The following RNF24 variants were observed in gnomAD, a reference collection of about 807,000 sequenced individuals.
RNF24 encodes ring finger protein 24.
A neutral mutation model predicts 20.0 loss-of-function variants in RNF24; 14 were observed. The ratio of observed to expected loss-of-function variants is 0.70; its 90% CI spans 0.46 to 1.10. RNF24 has a LOEUF of 1.10. Ranked by LOEUF, RNF24 falls within the 50% of genes least tolerant of loss-of-function variation. The pLI is 0.00. For missense variants in RNF24, 124 were observed against 177.6 expected (o/e 0.70, Z 1.71); for synonymous variants, 45 against 61.1 (o/e 0.74, Z 1.23).
intron 1 of RNF24, among the ~76,000 whole-genome samples, chr20:3,988,254 G>C (rs1032452714): frequency 2.6e-5 from 4 of 152,014 alleles, no homozygotes; most frequent in African/African-American, 9.7e-5. Context: ...AGCCCAGGAA[G>C]TCAATGCTGC....
At chr20:3,978,814 T>C (rs1008710648) in intron 1 of RNF24, among the ~76,000 whole-genome samples, 4 of 151,956 alleles carry the variant, frequency 2.6e-5, no homozygotes, top group Admixed American at 6.6e-5. Flanking sequence ...TAACAAATAA[T>C]ATATATATTG....
chr20:4,006,268 C>A (rs1246655256), intron 1 of RNF24, among the ~76,000 whole-genome samples: 1 of 151,904 alleles, frequency 6.6e-6, no homozygotes, highest in Non-Finnish European at 1.5e-5. Flanking sequence ...ACTTGGGAGG[C>A]TGAGGCAGAA....
intron 1 of RNF24, among the ~76,000 whole-genome samples, chr20:3,979,765 T>G (rs1979226598): frequency 6.6e-6 from 1 of 152,146 alleles, no homozygotes; most frequent in Non-Finnish European, 1.5e-5. Flanking sequence ...GTTAATCACA[T>G]TGTGGGAAAA....
At chr20:3,993,729 A>G (rs1239385082) in intron 1 of RNF24, among the ~76,000 whole-genome samples, 1 of 152,254 alleles carries the variant, frequency 6.6e-6, no homozygotes, top group Non-Finnish European at 1.5e-5. Flanking sequence ...GTGGGCAGTT[A>G]GTATGCTGAT....
chr20:3,948,285 A>G lies in RNF24; in HGVS notation c.144-6T>C. 6.4e-7 allele frequency: 1 copy of G among 1,573,762 alleles called. No individual in the cohort carries two copies. Among genetic ancestry groups the G allele is most frequent in the Non-Finnish European group, 8.6e-7 (1 of 1,160,672 alleles). ...TGTGTGCTTGATGTCTTAGCCTAAA[A>G]GACAGAAATTAGTAATGCAATATTG... On this transcript the variant is annotated splice_polypyrimidine_tract_variant and splice_region_variant and intron_variant, in intron 2 of 5. Coordinates refer to ENST00000358395, the MANE Select transcript of RNF24 (RefSeq NM_001134337.3).
chr20:4,008,929 T>A (rs34640283), intron 1 of RNF24, among the ~76,000 whole-genome samples: 18,684 of 152,164 alleles, frequency 0.12, 1,446 homozygotes, highest in Non-Finnish European at 0.17. Flanking sequence ...TTCTTCATAA[T>A]TGTTTCAATT....
At chr20:3,945,919 TA>T (rs1471767016) in intron 3 of RNF24, among the ~76,000 whole-genome samples, 1 of 152,174 alleles carries the variant, frequency 6.6e-6, no homozygotes, top group Admixed American at 6.5e-5. Context: ...GGAAAATCTC[TA>T]AATTTTGGTG....
intron 4 of RNF24, among the ~76,000 whole-genome samples, chr20:3,942,081 A>G (rs2090962847): frequency 6.9e-6 from 1 of 144,920 alleles, no homozygotes; most frequent in Admixed American, 6.9e-5. Flanking sequence ...CTCAAAAAAG[A>G]AAAAAAAAAA....
chr20:3,947,646 A>T (rs536822576), intron 3 of RNF24, among the ~76,000 whole-genome samples: 5 of 152,370 alleles, frequency 3.3e-5, no homozygotes, highest in African/African-American at 1.2e-4. Context: ...GTCGACAGTA[A>T]CTTTAAGAAT....
At chr20:3,981,075 C>T (rs760640127) in intron 1 of RNF24, among the ~76,000 whole-genome samples, 3 of 151,952 alleles carry the variant, frequency 2.0e-5, no homozygotes, top group Non-Finnish European at 4.4e-5. Context: ...TCTACCACTC[C>T]TTATCACTTC....
At chr20:3,961,251 A>T (rs2091198493) in intron 2 of RNF24, among the ~76,000 whole-genome samples, 1 of 152,126 alleles carries the variant, frequency 6.6e-6, no homozygotes, top group Non-Finnish European at 1.5e-5. Context: ...AAAATAAAAA[A>T]ATTAGCTGGG....
intron 2 of RNF24, among the ~76,000 whole-genome samples, chr20:3,955,685 G>C (rs1168070067): frequency 1.3e-5 from 2 of 152,064 alleles, no homozygotes; most frequent in Non-Finnish European, 2.9e-5. Flanking sequence ...ATTTTGATAG[G>C]GATTGCACTG....
chr20:3,967,812 GGT>G (rs921189771), intron 1 of RNF24, among the ~76,000 whole-genome samples: 3 of 151,230 alleles, frequency 2.0e-5, no homozygotes, highest in African/African-American at 7.3e-5. Context: ...TGGCCAATAT[GGT>G]GAAACTCTGT....
intron 1 of RNF24, among the ~76,000 whole-genome samples, chr20:4,004,386 T>C (rs1033601129): frequency 2.0e-5 from 3 of 152,234 alleles, no homozygotes; most frequent in African/African-American, 7.2e-5. Context: ...TAAAAATTAT[T>C]ACCAAGGAAA....
At position 3,929,603 on chromosome 20, in the gene RNF24, TCAC is replaced by T. The variant is rs1400974729; in HGVS notation, c.*4457_*4459del. The T allele has an allele frequency of 6.6e-6, 1 of 152,424 alleles. No individual in the cohort carries two copies. Among genetic ancestry groups the T allele is most frequent in the Non-Finnish European group, 1.5e-5 (1 of 68,198 alleles). The allele number at this position is 152,424 out of a possible 1,614,324, so 9.4% of individuals were successfully genotyped here. A position where few individuals can be genotyped will look rare whatever the true frequency, so the allele number is the denominator to read the frequency against. The stretch of plus-strand genomic sequence containing the variant: ...TGACCACAACAGTTGCAGCCACACA[TCAC>T]CACTGGTCCTCACTTGGAACTGGCC... On this transcript the variant is annotated 3_prime_UTR_variant, in exon 6 of 6. Coordinates refer to ENST00000358395, the MANE Select transcript of RNF24 (RefSeq NM_001134337.3).
chr20:4,012,309 C>T (rs1029657073), intron 1 of RNF24, among the ~76,000 whole-genome samples: 1 of 151,478 alleles, frequency 6.6e-6, no homozygotes, highest in Non-Finnish European at 1.5e-5. Flanking sequence ...CCCAGCTATT[C>T]GGGAAGCTGA....
At chr20:3,940,988 A>G (rs372508024) in intron 4 of RNF24, among the ~76,000 whole-genome samples, 6 of 152,212 alleles carry the variant, frequency 3.9e-5, no homozygotes, top group Non-Finnish European at 7.3e-5. Context: ...CAGAAATGGT[A>G]AAAACCTGGA....
chr20:3,999,113 G>C (rs1406248365), intron 1 of RNF24, among the ~76,000 whole-genome samples: 2 of 152,086 alleles, frequency 1.3e-5, no homozygotes, highest in East Asian at 1.9e-4. Context: ...CAAAAATGTA[G>C]CATGTAACCA....
chr20:3,977,391 A>C (rs1568644312), intron 1 of RNF24, among the ~76,000 whole-genome samples: 1 of 152,210 alleles, frequency 6.6e-6, no homozygotes, highest in Non-Finnish European at 1.5e-5. Flanking sequence ...AGTATGTATA[A>C]TTTTCATGAC....
Sources: allele counts gnomAD v4.1 joint callset (sites outside exome capture counted in the v4.1 genomes callset), GRCh38; gene constraint gnomAD v4.1.1; transcripts MANE v1.5; gene names NCBI Gene and HGNC (gene_info 2026-07-23, HGNC 2026-07-21).